DOCK1: variants seen among roughly 807,000 people sequenced by gnomAD.
DOCK1 encodes dedicator of cytokinesis protein 1.
Under a neutral mutation model 262.7 loss-of-function variants are expected in DOCK1, and 138 were observed. That is an observed-to-expected ratio of 0.53 (90% CI 0.46 to 0.61). The LOEUF (loss-of-function observed/expected upper bound fraction) is 0.61, where lower values mean the gene tolerates loss of function less well. DOCK1 is among the 20% of genes least tolerant of loss of function. The pLI, the probability that DOCK1 is intolerant of heterozygous loss-of-function variation, is 0.00. For synonymous variants in DOCK1, 866 were observed against 867.4 expected (o/e 1.00, Z 0.03); for missense variants, 1,908 against 2,370.7 (o/e 0.80, Z 4.05).
intron 29 of DOCK1, among the ~76,000 whole-genome samples, chr10:127,302,275 G>A (rs1353011794): frequency 1.3e-5 from 2 of 152,136 alleles, no homozygotes; most frequent in Non-Finnish European, 2.9e-5. Flanking sequence ...GAGGTAGGAA[G>A]GTCTGGGAGG....
intron 29 of DOCK1, among the ~76,000 whole-genome samples, chr10:127,333,235 T>C (rs556788902): frequency 3.5e-4 from 54 of 152,300 alleles, no homozygotes; most frequent in African/African-American, 1.3e-3. Flanking sequence ...TTAAAGTAAG[T>C]TTAGGGAAGG....
At chr10:127,092,861 C>T (rs1306512261) in intron 23 of DOCK1, among the ~76,000 whole-genome samples, 1 of 152,134 alleles carries the variant, frequency 6.6e-6, no homozygotes, top group Admixed American at 6.5e-5. Flanking sequence ...AGTCTTTCCC[C>T]AGGTCATGGG....
rs374160582 is a variant in DOCK1 at position 127,409,252 on chromosome 10, G to A, written c.4265-61G>A. 4 of 1,611,912 alleles carry A rather than the reference G, an allele frequency of 2.5e-6. No homozygotes were observed. The African/African-American group carries it at 4.0e-5, about 16-fold the overall frequency. ...TCATTTGGGTGGTTGGGTGTGGTGG[G>A]GGGCCTCTCTCATGGTTGATGTCTA... On this transcript the variant is annotated intron_variant, in intron 41 of 51. Transcript: ENST00000623213.
At chr10:126,968,828 G>T (rs1372254606) in intron 1 of DOCK1, among the ~76,000 whole-genome samples, 1 of 152,166 alleles carries the variant, frequency 6.6e-6, no homozygotes, top group Admixed American at 6.6e-5. Flanking sequence ...TCTTGTTAAA[G>T]ATTCACTGTA....
Position 126,915,434 on chromosome 10 carries a change from G to A in DOCK1, c.46+9871G>A, listed in dbSNP as rs376262058. 4.8e-3 allele frequency among the ~76,000 whole-genome samples: 723 copies of A among 149,748 alleles called. 8 individuals carry two copies. The highest frequency in any genetic ancestry group is 0.016 in the African/African-American group (670 of 41,054). ...TGTCTTTTTCTTTTTTGGGGGCGGG[G>A]GGGGGATGGAGTCTTGCTCTGTTGC... On this transcript the variant is annotated intron_variant, in intron 1 of 51. Transcript: ENST00000623213.
At chr10:127,403,616 G>A (rs575838043) in intron 39 of DOCK1, among the ~76,000 whole-genome samples, 11 of 152,280 alleles carry the variant, frequency 7.2e-5, no homozygotes, top group Admixed American at 3.3e-4. Flanking sequence ...CAAAGTAGCC[G>A]GGCGTGGTAG....
intron 29 of DOCK1, among the ~76,000 whole-genome samples, chr10:127,320,120 C>T (rs1179019903): frequency 2.6e-5 from 4 of 152,124 alleles, no homozygotes; most frequent in Admixed American, 2.0e-4. Flanking sequence ...TCCTTTTCTT[C>T]CTCTCAGTCC....
At chr10:127,241,640 G>A (rs1016747286) in intron 27 of DOCK1, among the ~76,000 whole-genome samples, 2 of 152,044 alleles carry the variant, frequency 1.3e-5, no homozygotes, top group African/African-American at 4.8e-5. Flanking sequence ...GGATTCTTCT[G>A]GTCTTCTTTC....
chr10:127,294,581 C>G (rs1019425915), intron 29 of DOCK1, among the ~76,000 whole-genome samples: 29 of 152,260 alleles, frequency 1.9e-4, no homozygotes, highest in Non-Finnish European at 4.0e-4. Context: ...CCTGGCCTCC[C>G]AAAGTGCTGA....
rs574584007 is a variant in DOCK1 at position 127,034,355 on chromosome 10, A to G, written c.1912+2035A>G. ...GGGAACTTCTCTTTTTAAAACCATC[A>G]GATCTCATGAGTCTTATCACTCTCA... On this transcript the variant is annotated intron_variant, in intron 18 of 51. Coordinates refer to ENST00000623213, the MANE Select transcript of DOCK1 (RefSeq NM_001290223.2). 4.6e-5 allele frequency among the ~76,000 whole-genome samples: 7 copies of G among 152,264 alleles called. No homozygotes were observed. In the South Asian group the frequency reaches 1.5e-3, roughly 32 times the overall value.
intron 29 of DOCK1, among the ~76,000 whole-genome samples, chr10:127,314,049 A>T (rs1245315252): frequency 6.6e-6 from 1 of 152,188 alleles, no homozygotes; most frequent in Non-Finnish European, 1.5e-5. Context: ...CCCGTGAATA[A>T]TGAGGCTGGA....
At chr10:126,962,925 T>C (rs2037338432) in intron 1 of DOCK1, among the ~76,000 whole-genome samples, 1 of 151,562 alleles carries the variant, frequency 6.6e-6, no homozygotes, top group African/African-American at 2.4e-5. Context: ...ATAATCCAAC[T>C]TCATTTTTTT....
At chr10:127,333,025 A>T (rs1022382903) in intron 29 of DOCK1, among the ~76,000 whole-genome samples, 1 of 150,024 alleles carries the variant, frequency 6.7e-6, no homozygotes, top group East Asian at 1.9e-4. Flanking sequence ...TTCTGCAGGG[A>T]TGGAGGAATG....
At chr10:127,362,336 C>T (rs2064506599) in intron 33 of DOCK1, 124 bp downstream of exon 33, 1 of 1,135,626 alleles carries the variant, frequency 8.8e-7, no homozygotes, top group African/African-American at 1.6e-5. Flanking sequence ...CATTTTCCTA[C>T]AGCTTGAGAG....
At chr10:126,972,670 T>C (rs945016140) in intron 2 of DOCK1, among the ~76,000 whole-genome samples, 3 of 152,076 alleles carry the variant, frequency 2.0e-5, no homozygotes, top group Non-Finnish European at 2.9e-5. Context: ...TATGCCCAGC[T>C]TCCTGCTCGA....
chr10:127,208,698 T>C (rs899174527), intron 27 of DOCK1, among the ~76,000 whole-genome samples: 3 of 152,146 alleles, frequency 2.0e-5, no homozygotes, highest in South Asian at 2.1e-4. Flanking sequence ...AAATGTGACA[T>C]AGTGAACATT....
intron 1 of DOCK1, among the ~76,000 whole-genome samples, chr10:126,933,901 G>A (rs2034362173): frequency 1.3e-5 from 2 of 151,854 alleles, no homozygotes; most frequent in African/African-American, 4.8e-5. Context: ...TGCAACCTCC[G>A]CCTCCCACGT....
chr10:127,443,750 T>C (rs1409056058), intron 49 of DOCK1, among the ~76,000 whole-genome samples: 1 of 152,118 alleles, frequency 6.6e-6, no homozygotes, highest in Non-Finnish European at 1.5e-5. Context: ...GCTAGTTACA[T>C]TGTCACACGT....
intron 33 of DOCK1, among the ~76,000 whole-genome samples, chr10:127,371,463 A>T (rs563293344): frequency 2.6e-5 from 4 of 152,348 alleles, no homozygotes; most frequent in African/African-American, 9.6e-5. Context: ...TGTGACAGCT[A>T]GATTTACATG....
Sources: allele counts gnomAD v4.1 joint callset (sites outside exome capture counted in the v4.1 genomes callset), GRCh38; gene constraint gnomAD v4.1.1; transcripts MANE v1.5; gene names NCBI Gene and HGNC (gene_info 2026-07-23, HGNC 2026-07-21).